The following PPARGC1A variants were observed in gnomAD, a reference collection of about 807,000 sequenced individuals.
PPARGC1A encodes the protein PPARG coactivator 1 alpha.
PPARGC1A carries 25 observed loss-of-function variants against 88.7 expected under a neutral mutation model. The observed-to-expected ratio is 0.28, with a 90% CI of 0.21 to 0.39. The LOEUF is 0.39. PPARGC1A is among the 10% of genes least tolerant of loss of function. The probability of loss-of-function intolerance (pLI) is 1.00; values close to 1 mark genes in which losing one functional copy is unlikely to be tolerated. For missense variants in PPARGC1A, 880 were observed against 968.7 expected (o/e 0.91, Z 1.22); for synonymous variants, 363 against 355.6 (o/e 1.02, Z -0.24).
At chr4:24,088,945 A>T in the PPARGC1A span, among the ~76,000 whole-genome samples, 1 of 152,182 alleles carries the variant, frequency 6.6e-6, no homozygotes, top group Non-Finnish European at 1.5e-5. Flanking sequence ...CTTGCTATTT[A>T]CATCTGTAAA....
the PPARGC1A span, among the ~76,000 whole-genome samples, chr4:23,925,538 A>G: frequency 1.3e-5 from 2 of 152,156 alleles, no homozygotes; most frequent in African/African-American, 4.8e-5. Flanking sequence ...AAAATAAAAG[A>G]GATTGAGGAC....
intron 2 of PPARGC1A, among the ~76,000 whole-genome samples, chr4:23,865,558 CTT>C (rs1429071905): frequency 1.3e-5 from 2 of 152,112 alleles, no homozygotes; most frequent in African/African-American, 4.8e-5. Flanking sequence ...CTATAAATGT[CTT>C]AAAATTTCCT....
At chr4:24,214,122 G>C in the PPARGC1A span, among the ~76,000 whole-genome samples, 1 of 152,210 alleles carries the variant, frequency 6.6e-6, no homozygotes, top group Non-Finnish European at 1.5e-5. Flanking sequence ...TGCGCTTGTT[G>C]TTTGTGGTTT....
chr4:24,148,633 G>C, the PPARGC1A span, among the ~76,000 whole-genome samples: 1 of 152,196 alleles, frequency 6.6e-6, no homozygotes, highest in South Asian at 2.1e-4. Context: ...GAACTAAACA[G>C]AACAACTAAT....
At chr4:24,089,402 TA>T in the PPARGC1A span, among the ~76,000 whole-genome samples, 1 of 152,100 alleles carries the variant, frequency 6.6e-6, no homozygotes, top group African/African-American at 2.4e-5. Context: ...GATGATGCTG[TA>T]GCTGACACCC....
At chr4:24,390,532 G>A in the PPARGC1A span, among the ~76,000 whole-genome samples, 36 of 152,066 alleles carry the variant, frequency 2.4e-4, no homozygotes, top group African/African-American at 7.5e-4. Context: ...ACATGTGCAC[G>A]TATACTTATG....
rs758906776 is a variant in PPARGC1A at position 23,801,763 on chromosome 4, T to G, written c.2260A>C (p.Lys754Gln). 4 of 1,613,910 alleles carry G rather than the reference T, an allele frequency of 2.5e-6. No homozygotes were observed. In the South Asian group the frequency reaches 3.3e-5, roughly 13 times the overall value. Residue 754 changes from lysine to glutamine, a missense_variant, in exon 12 of 13, where the codon AAG (lysine) becomes CAG (glutamine). Lys to Gln is a moderately conservative substitution (Grantham distance 53). Transcript: ENST00000264867. The part of the protein sequence containing the change: ...TDFELYFCGR[K>Q]QFFKSNYADL... ...GCATAGTTAGACTTGAAAAATTGCT[T>G]GCGTCCACAAAAGTACAGCTCAAAG...
At chr4:23,952,758 TAG>T in the PPARGC1A span, among the ~76,000 whole-genome samples, 1 of 152,098 alleles carries the variant, frequency 6.6e-6, no homozygotes, top group Non-Finnish European at 1.5e-5. Flanking sequence ...AAAACTTTAT[TAG>T]TTTCACGCCA....
At chr4:23,994,561 C>T in the PPARGC1A span, among the ~76,000 whole-genome samples, 2 of 152,198 alleles carry the variant, frequency 1.3e-5, no homozygotes, top group Non-Finnish European at 2.9e-5. Context: ...ATAGATAATA[C>T]GTGACACTTT....
chr4:24,298,201 A>G, the PPARGC1A span, among the ~76,000 whole-genome samples: 2 of 151,492 alleles, frequency 1.3e-5, no homozygotes, highest in African/African-American at 4.9e-5. Context: ...AAAAAAAGAT[A>G]AGAAAGAAAA....
the PPARGC1A span, among the ~76,000 whole-genome samples, chr4:24,308,005 G>C: frequency 6.6e-6 from 1 of 152,130 alleles, no homozygotes; most frequent in African/African-American, 2.4e-5. Context: ...AAAGAAATCA[G>C]ATCGGGCTGG....
intron 2 of PPARGC1A, among the ~76,000 whole-genome samples, chr4:23,874,528 C>T (rs540921291): frequency 2.6e-5 from 4 of 151,878 alleles, no homozygotes; most frequent in African/African-American, 9.7e-5. Flanking sequence ...TTTTACCACC[C>T]TTCTATGGCA....
chr4:24,262,094 C>G, the PPARGC1A span, among the ~76,000 whole-genome samples: 1,944 of 152,240 alleles, frequency 0.013, 51 homozygotes, highest in East Asian at 0.12. Flanking sequence ...AAGACCTGCC[C>G]TCCCAACCCC....
At chr4:23,973,849 G>T in the PPARGC1A span, among the ~76,000 whole-genome samples, 1 of 152,110 alleles carries the variant, frequency 6.6e-6, no homozygotes, top group South Asian at 2.1e-4. Context: ...GCCAGGATGG[G>T]TTGGTAACCT....
the PPARGC1A span, among the ~76,000 whole-genome samples, chr4:23,955,020 C>A: frequency 6.6e-6 from 1 of 151,914 alleles, no homozygotes; most frequent in African/African-American, 2.4e-5. Context: ...AGGTAAAAAG[C>A]CAATAACATT....
At chr4:23,959,230 G>A in the PPARGC1A span, among the ~76,000 whole-genome samples, 1 of 152,084 alleles carries the variant, frequency 6.6e-6, no homozygotes, top group Non-Finnish European at 1.5e-5. Flanking sequence ...ATGAGGAGGA[G>A]CTCTTTGCTG....
At chr4:24,299,822 C>T in the PPARGC1A span, among the ~76,000 whole-genome samples, 5 of 152,058 alleles carry the variant, frequency 3.3e-5, no homozygotes, top group Admixed American at 6.6e-5. Flanking sequence ...AATAATGTTA[C>T]CAGAACCAAG....
At chr4:24,272,355 C>T in the PPARGC1A span, among the ~76,000 whole-genome samples, 10 of 152,138 alleles carry the variant, frequency 6.6e-5, no homozygotes, top group Non-Finnish European at 1.2e-4. Flanking sequence ...GGATACACCC[C>T]GTGCTCTACC....
the PPARGC1A span, among the ~76,000 whole-genome samples, chr4:24,096,177 C>T: frequency 3.9e-5 from 6 of 152,276 alleles, no homozygotes; most frequent in Non-Finnish European, 5.9e-5. Context: ...CTCTCTCTTC[C>T]GCCACCATGC....
Sources: gnomAD v4.1 joint callset for allele counts (sites outside exome capture counted in the v4.1 genomes callset) on GRCh38, gnomAD v4.1.1 for gene constraint, MANE v1.5 for transcripts, NCBI Gene and HGNC (gene_info 2026-07-23, HGNC 2026-07-21) for gene names.